The following IQGAP2 variants were observed in gnomAD, a reference collection of about 807,000 sequenced individuals.
The protein encoded by IQGAP2 is IQ motif containing GTPase activating protein 2, also known as ras GTPase-activating-like protein IQGAP2.
Under a neutral mutation model 201.3 loss-of-function variants are expected in IQGAP2, and 173 were observed. That is an observed-to-expected ratio of 0.86 (90% CI 0.76 to 0.98). The LOEUF is 0.98. Among genes scored for constraint, IQGAP2 ranks in the 50% least tolerant of loss-of-function variants. The pLI is 0.00. For synonymous variants in IQGAP2, 675 were observed against 673.9 expected, an observed-to-expected ratio of 1.00 and a Z score of -0.03; for missense variants, 1,687 against 1,864.8, an observed-to-expected ratio of 0.90 and a Z score of 1.76.
At chr5:76,705,271 A>G (rs1244516794) in intron 35 of IQGAP2, among the ~76,000 whole-genome samples, 1 of 152,176 alleles carries the variant, frequency 6.6e-6, no homozygotes, top group African/African-American at 2.4e-5. Context: ...GTAGCTTACA[A>G]AGGGTTTGCA....
chr5:76,703,237 C>T (rs1322132294), intron 35 of IQGAP2, among the ~76,000 whole-genome samples: 2 of 152,102 alleles, frequency 1.3e-5, no homozygotes, highest in Non-Finnish European at 2.9e-5. Flanking sequence ...TTCACTGCAG[C>T]CTCAACCTCC....
intron 1 of IQGAP2, among the ~76,000 whole-genome samples, chr5:76,412,459 C>T (rs1751178765): frequency 6.6e-6 from 1 of 152,116 alleles, no homozygotes; most frequent in African/African-American, 2.4e-5. Context: ...TACCACCATG[C>T]CTGACATAGT....
chr5:76,511,269 G>A (rs1665947290), intron 2 of IQGAP2, among the ~76,000 whole-genome samples: 1 of 152,160 alleles, frequency 6.6e-6, no homozygotes, highest in Non-Finnish European at 1.5e-5. Context: ...ACATCTCCGA[G>A]ATCCTTTTGC....
chr5:76,479,801 G>C (rs534318468), intron 2 of IQGAP2, among the ~76,000 whole-genome samples: 51 of 152,148 alleles, frequency 3.4e-4, no homozygotes, highest in Non-Finnish European at 6.6e-4. Context: ...ATTAACAAAG[G>C]TTCAGCAGAC....
intron 14 of IQGAP2, 67 bp from the exon 15 acceptor site, chr5:76,631,792 A>G (rs1275887960): frequency 8.3e-7 from 1 of 1,197,662 alleles, no homozygotes; most frequent in Non-Finnish European, 1.2e-6. Flanking sequence ...GTTGAATTAT[A>G]TATTTGCATG....
At chr5:76,499,982 C>T (rs568027081) in intron 2 of IQGAP2, among the ~76,000 whole-genome samples, 1 of 152,040 alleles carries the variant, frequency 6.6e-6, no homozygotes, top group Non-Finnish European at 1.5e-5. Flanking sequence ...GTGGCATGCA[C>T]TTGTAGTCCC....
In IQGAP2 at chr5:76,547,476, G is replaced by A. The variant is rs559690669; in HGVS notation, c.147-14920G>A. The A allele has an allele frequency of 8.2e-5, 78 of 947,926 alleles. 1 individual carries two copies. In the African/African-American group the frequency reaches 1.1e-3, roughly 13 times the overall value. The allele number at this position is 947,926 out of a possible 1,614,324, so 58.7% of individuals were successfully genotyped here. ...AGTAAGTTTACAATGATCTTATTAA[G>A]CTTGTTGCTTTCATTTTCCTGCCTA... On this transcript the variant is annotated intron_variant, in intron 2 of 35. Coordinates refer to ENST00000274364, the MANE Select transcript of IQGAP2 (RefSeq NM_006633.5).
intron 2 of IQGAP2, among the ~76,000 whole-genome samples, chr5:76,479,738 C>T (rs1156664738): frequency 6.6e-6 from 1 of 152,148 alleles, no homozygotes; most frequent in Non-Finnish European, 1.5e-5. Flanking sequence ...GCTTTTTATG[C>T]ATCAGAACTG....
rs1179397983 is a variant in IQGAP2 at position 76,514,206 on chromosome 5, TACAG to T, written c.147-48187_147-48184del. ...AACCGGCTAATTTTTGTATTTTTAA[TACAG>T]ACGGGGTTTCACCATGTTGGCCTGG... On this transcript the variant is annotated intron_variant, in intron 2 of 35. Coordinates refer to ENST00000274364, the MANE Select transcript of IQGAP2 (RefSeq NM_006633.5). Among the ~76,000 whole-genome samples the T allele has an allele frequency of 3.3e-5, 5 of 152,022 alleles. No homozygotes were observed. In the East Asian group the frequency reaches 9.7e-4, roughly 29 times the overall value.
intron 2 of IQGAP2, among the ~76,000 whole-genome samples, chr5:76,536,225 C>T (rs751587934): frequency 6.6e-6 from 1 of 151,492 alleles, no homozygotes; most frequent in Non-Finnish European, 1.5e-5. Context: ...CCAGCCACCA[C>T]GTCTGGCTAA....
chr5:76,597,249 T>A, intron 9 of IQGAP2, 190 bp from the exon 10 acceptor site: 1 of 599,554 alleles, frequency 1.7e-6, no homozygotes, highest in Non-Finnish European at 2.9e-6. Context: ...TAGGCACTAA[T>A]TCCAAAGATT....
intron 13 of IQGAP2, chr5:76,618,411 G>A: frequency 6.2e-7 from 1 of 1,614,244 alleles, no homozygotes; most frequent in Non-Finnish European, 8.5e-7. Context: ...GAGGTAGATG[G>A]CAGGTATCAG....
At chr5:76,604,431 G>A (rs909240509) in intron 11 of IQGAP2, among the ~76,000 whole-genome samples, 6 of 152,118 alleles carry the variant, frequency 3.9e-5, no homozygotes, top group Non-Finnish European at 7.4e-5. Context: ...GAACAGTGCC[G>A]CATAAACATA....
At chr5:76,620,196 A>G (rs1235097986) in intron 13 of IQGAP2, among the ~76,000 whole-genome samples, 1 of 152,234 alleles carries the variant, frequency 6.6e-6, no homozygotes, top group Non-Finnish European at 1.5e-5. Flanking sequence ...AAGATGACTT[A>G]GGTAATAGTG....
At chr5:76,412,993 A>T (rs937608890) in intron 1 of IQGAP2, among the ~76,000 whole-genome samples, 1 of 151,938 alleles carries the variant, frequency 6.6e-6, no homozygotes, top group Admixed American at 6.6e-5. Flanking sequence ...AGGGATGGTG[A>T]TGGCAGAACC....
At chr5:76,688,261 T>A (rs1345109156) in intron 30 of IQGAP2, among the ~76,000 whole-genome samples, 1 of 152,244 alleles carries the variant, frequency 6.6e-6, no homozygotes, top group Non-Finnish European at 1.5e-5. Flanking sequence ...AAAACTATTC[T>A]GCTTTTTTGT....
intron 28 of IQGAP2, among the ~76,000 whole-genome samples, chr5:76,680,861 T>C (rs1745220199): frequency 2.0e-5 from 3 of 149,908 alleles, no homozygotes; most frequent in Admixed American, 1.3e-4. Flanking sequence ...TCCCAGCATG[T>C]TGGGAGGCTG....
At chr5:76,575,422 G>GA (rs144149071) in intron 4 of IQGAP2, among the ~76,000 whole-genome samples, 1,595 of 152,304 alleles carry the variant, frequency 0.01, 26 homozygotes, top group African/African-American at 0.035. Flanking sequence ...ATGAAACACT[G>GA]CCACTAGCAC....
intron 2 of IQGAP2, among the ~76,000 whole-genome samples, chr5:76,497,681 G>A (rs1178941821): frequency 3.9e-5 from 6 of 152,208 alleles, no homozygotes; most frequent in Non-Finnish European, 8.8e-5. Flanking sequence ...CTCTGTATGG[G>A]AGAATGTTGA....
Sources: allele counts gnomAD v4.1 joint callset (sites outside exome capture counted in the v4.1 genomes callset), GRCh38; gene constraint gnomAD v4.1.1; transcripts MANE v1.5; gene names NCBI Gene and HGNC (gene_info 2026-07-23, HGNC 2026-07-21).